Variants in ANKS1A observed in about 807,000 individuals in gnomAD.
ANKS1A encodes the protein ankyrin repeat and sterile alpha motif domain containing 1A, also known as ankyrin repeat and SAM domain-containing protein 1A.
Under a neutral mutation model 120.3 loss-of-function variants are expected in ANKS1A, and 55 were observed. The ratio of observed to expected loss-of-function variants is 0.46; its 90% CI spans 0.37 to 0.57. The LOEUF (loss-of-function observed/expected upper bound fraction) is 0.57, where lower values mean the gene tolerates loss of function less well. Among genes scored for constraint, ANKS1A ranks in the 20% least tolerant of loss-of-function variants. The pLI, the probability that ANKS1A is intolerant of heterozygous loss-of-function variation, is 0.00. For synonymous variants in ANKS1A, 590 were observed against 604.7 expected (o/e 0.98, Z 0.36); for missense variants, 1,123 against 1,480.3 (o/e 0.76, Z 3.96).
intron 11 of ANKS1A, among the ~76,000 whole-genome samples, chr6:35,042,892 A>C (rs534228963): frequency 3.3e-5 from 5 of 152,232 alleles, no homozygotes; most frequent in African/African-American, 4.8e-5. Flanking sequence ...TTTGGGGGAC[A>C]TAAGGTTGCC....
At position 35,079,895 on chromosome 6, in the gene ANKS1A, G is replaced by C. The variant is rs565747592; in HGVS notation, c.2511G>C (p.Pro837=). ...TCGCAGACAGACCGTACGAGGAGCC[G>C]CCCCAGAAGCCCCCCAGATTCTCCC... ...ASLADRPYEE[P]PQKPPRFSQL... Residue 837 remains proline (P), a synonymous_variant, in exon 16 of 24, where the codon CCG becomes CCC. Transcript: ENST00000360359. The C allele has an allele frequency of 1.3e-6, 2 of 1,559,412 alleles. No individual in the cohort carries two copies. Among genetic ancestry groups the C allele is most frequent in the African/African-American group, 1.4e-5 (1 of 73,522 alleles).
At chr6:35,092,454 T>C (rs985310941), downstream of ANKS1A, among the ~76,000 whole-genome samples, 1 of 152,242 alleles carries the variant, frequency 6.6e-6, no homozygotes, top group African/African-American at 2.4e-5. Context: ...TGCCAGCGAA[T>C]GGCAGAGAGC....
chr6:35,088,421 CAG>C lies in ANKS1A; in HGVS notation c.3402-182_3402-181del, dbSNP rs560672640. On this transcript the variant is annotated intron_variant, in intron 23 of 23. Coordinates refer to ENST00000360359, the MANE Select transcript of ANKS1A (RefSeq NM_015245.3). ...CCACCCATCCTTGTGCCTTCCTGAG[CAG>C]AGTCACTGAGCCAGAGGCAGTGGGG... Among the ~76,000 whole-genome samples the C allele has an allele frequency of 2.2e-3, 331 of 152,288 alleles. 1 individual carries two copies. The highest frequency in any genetic ancestry group is 3.4e-3 in the Middle Eastern group (1 of 294).
chr6:35,054,021 C>T, intron 11 of ANKS1A, 78 bp from the exon 12 acceptor site: 3 of 1,205,456 alleles, frequency 2.5e-6, no homozygotes, highest in Non-Finnish European at 3.7e-6. Flanking sequence ...AGGTCAGACC[C>T]CACTGGCGCT....
chr6:35,083,556 A>T, intron 20 of ANKS1A, 53 bp downstream of exon 20: 2 of 1,572,668 alleles, frequency 1.3e-6, no homozygotes, highest in Non-Finnish European at 1.8e-6. Flanking sequence ...TCCCCGTCAG[A>T]CCCACAGGGC....
intron 1 of ANKS1A, among the ~76,000 whole-genome samples, chr6:34,900,197 G>T (rs1767279597): frequency 6.6e-6 from 1 of 152,198 alleles, no homozygotes; most frequent in Non-Finnish European, 1.5e-5. Context: ...GGGCCACACA[G>T]GGGAGTGCAG....
At chr6:34,970,242 C>T (rs1311935461) in intron 3 of ANKS1A, 76 bp downstream of exon 3, 2 of 1,472,214 alleles carry the variant, frequency 1.4e-6, no homozygotes, top group African/African-American at 2.8e-5. Context: ...ATCTTAGCCC[C>T]ATAGTTCAAA....
chr6:35,095,329 T>C (rs1031016865), downstream of ANKS1A, among the ~76,000 whole-genome samples: 5 of 151,508 alleles, frequency 3.3e-5, no homozygotes, highest in Non-Finnish European at 7.4e-5. Flanking sequence ...TCCCAGCACT[T>C]TGGGAGGCTG....
intron 1 of ANKS1A, among the ~76,000 whole-genome samples, chr6:34,937,557 G>A (rs1769319081): frequency 6.6e-6 from 1 of 152,136 alleles, no homozygotes; most frequent in Non-Finnish European, 1.5e-5. Context: ...TTTGAAGGAG[G>A]AGGAGAATTG....
chr6:35,079,793 T>A (rs747018910), intron 15 of ANKS1A, 28 bp from the exon 16 acceptor site: 17 of 1,595,226 alleles, frequency 1.1e-5, no homozygotes, highest in South Asian at 6.8e-5. Context: ...CCACCTGACC[T>A]GTCACCTCGC....
downstream of ANKS1A, among the ~76,000 whole-genome samples, chr6:35,095,556 CA>C (rs34931330): frequency 0.068 from 3,761 of 55,238 alleles, 76 homozygotes; most frequent in East Asian, 0.29. Flanking sequence ...GACTGTGTCA[CA>C]AAAAAAAAAA....
chr6:34,895,593 A>AG (rs1767028589), intron 1 of ANKS1A, among the ~76,000 whole-genome samples: 4 of 152,086 alleles, frequency 2.6e-5, no homozygotes, highest in Non-Finnish European at 4.4e-5. Context: ...CTGACCATGT[A>AG]AGGATTGTAG....
intron 11 of ANKS1A, among the ~76,000 whole-genome samples, chr6:35,024,223 T>C (rs936273762): frequency 6.6e-6 from 1 of 152,214 alleles, no homozygotes; most frequent in Non-Finnish European, 1.5e-5. Context: ...TCTTGCACAG[T>C]GTGATGTACC....
intron 1 of ANKS1A, among the ~76,000 whole-genome samples, chr6:34,945,308 G>A (rs1769735954): frequency 6.6e-6 from 1 of 152,102 alleles, no homozygotes; most frequent in Admixed American, 6.5e-5. Flanking sequence ...AAACTCCTGG[G>A]CTCAAGCAGT....
chr6:35,021,450 C>G (rs2127561575), intron 11 of ANKS1A, among the ~76,000 whole-genome samples: 1 of 152,294 alleles, frequency 6.6e-6, no homozygotes, highest in East Asian at 1.9e-4. Context: ...CCCAGCTCCT[C>G]CATCTCCACC....
At chr6:34,967,091 G>C in intron 1 of ANKS1A, 148 bp from the exon 2 acceptor site, 1 of 682,696 alleles carries the variant, frequency 1.5e-6, no homozygotes, top group Non-Finnish European at 2.5e-6. Context: ...GTGTATAGCT[G>C]CTGTGTGTTA....
intron 23 of ANKS1A, 114 bp downstream of exon 23, chr6:35,087,163 C>A: frequency 1.8e-6 from 2 of 1,082,892 alleles, no homozygotes; most frequent in Non-Finnish European, 1.4e-6. Flanking sequence ...GCTGCTGATG[C>A]CAAGGCCCCA....
intron 11 of ANKS1A, among the ~76,000 whole-genome samples, chr6:35,030,306 C>T (rs1056744522): frequency 3.9e-5 from 6 of 152,278 alleles, no homozygotes; most frequent in African/African-American, 1.4e-4. Context: ...CTGGGAGAAG[C>T]ATGTGTTTCC....
At chr6:34,966,194 A>G (rs1239017141) in intron 1 of ANKS1A, among the ~76,000 whole-genome samples, 3 of 152,152 alleles carry the variant, frequency 2.0e-5, no homozygotes, top group East Asian at 1.9e-4. Flanking sequence ...TAAATAATCT[A>G]CTCTCAAGTA....
Sources: gnomAD v4.1 joint callset for allele counts (sites outside exome capture counted in the v4.1 genomes callset) on GRCh38, gnomAD v4.1.1 for gene constraint, MANE v1.5 for transcripts, NCBI Gene and HGNC (gene_info 2026-07-23, HGNC 2026-07-21) for gene names.